The following SLC29A3 variants were observed in gnomAD, a reference collection of about 807,000 sequenced individuals.
SLC29A3 encodes the protein equilibrative nucleoside transporter 3.
A neutral mutation model predicts 25.4 loss-of-function variants in SLC29A3; 18 were observed. That is an observed-to-expected ratio of 0.71 (90% CI 0.49 to 1.05). SLC29A3 has a LOEUF of 1.05. Ranked by LOEUF, SLC29A3 falls within the 50% of genes least tolerant of loss-of-function variation. The pLI is 0.00. For synonymous variants in SLC29A3, 258 were observed against 267.1 expected (o/e 0.97, Z 0.33); for missense variants, 586 against 609.0 (o/e 0.96, Z 0.40).
At chr10:71,327,447 G>A (rs149650151) in intron 2 of SLC29A3, among the ~76,000 whole-genome samples, 177 of 152,306 alleles carry the variant, frequency 1.2e-3, no homozygotes, top group Middle Eastern at 6.8e-3. Context: ...TGCAACAGCC[G>A]CCATTGCCTG....
chr10:71,348,147 A>G (rs997900962), intron 3 of SLC29A3, among the ~76,000 whole-genome samples: 1 of 152,222 alleles, frequency 6.6e-6, no homozygotes, highest in African/African-American at 2.4e-5. Context: ...TTGCTTGTCA[A>G]TTTGTACATC....
downstream of SLC29A3, among the ~76,000 whole-genome samples, chr10:71,363,840 T>G (rs1337566604): frequency 7.1e-6 from 1 of 141,086 alleles, no homozygotes. Flanking sequence ...GATGAAGTCT[T>G]GCTCTGTCAC....
At chr10:71,341,276 A>G (rs1846401808) in intron 2 of SLC29A3, among the ~76,000 whole-genome samples, 1 of 152,152 alleles carries the variant, frequency 6.6e-6, no homozygotes, top group African/African-American at 2.4e-5. Context: ...CATGGGACCA[A>G]TGGCTGTGGA....
Position 71,362,345 on chromosome 10 carries a change from C to T in SLC29A3, c.1165C>T (p.Leu389Phe). 1 of 1,614,190 alleles carries T rather than the reference C, an allele frequency of 6.2e-7. No individual in the cohort carries two copies. The highest frequency in any genetic ancestry group is 8.5e-7 in the Non-Finnish European group (1 of 1,180,040). ...AGGGTTCGTGCTCCTCCGGACCTGC[C>T]TCATCCCCCTCTTCGTGCTCTGTAA... ...LPGFVLLRTC[L>F]IPLFVLCNYQ... is the part of the protein sequence containing the mutation. The change falls in exon 6 of 6, where the codon CTC becomes TTC. Residue 389 changes from leucine to phenylalanine, a missense_variant. Leu to Phe is a conservative substitution (Grantham distance 22, BLOSUM62 0). Coordinates refer to ENST00000373189, the MANE Select transcript of SLC29A3 (RefSeq NM_018344.6).
At chr10:71,349,404 C>T (rs1473850593) in intron 3 of SLC29A3, among the ~76,000 whole-genome samples, 1 of 152,166 alleles carries the variant, frequency 6.6e-6, no homozygotes, top group Non-Finnish European at 1.5e-5. Flanking sequence ...GCCCCAGACA[C>T]AGTCTCGGCA....
intron 2 of SLC29A3, among the ~76,000 whole-genome samples, chr10:71,335,097 A>C (rs1460943868): frequency 6.6e-6 from 1 of 151,712 alleles, no homozygotes; most frequent in Non-Finnish European, 1.5e-5. Flanking sequence ...TTTCACCTTT[A>C]GTGAGTGAAT....
At chr10:71,335,819 G>T (rs1435485764) in intron 2 of SLC29A3, among the ~76,000 whole-genome samples, 2 of 152,052 alleles carry the variant, frequency 1.3e-5, no homozygotes, top group Non-Finnish European at 2.9e-5. Context: ...ATGGGTAGAG[G>T]TCATGAAGCC....
At chr10:71,360,508 T>A (rs542337440) in intron 5 of SLC29A3, among the ~76,000 whole-genome samples, 1 of 152,338 alleles carries the variant, frequency 6.6e-6, no homozygotes, top group Admixed American at 6.5e-5. Context: ...TTAGTTCTTT[T>A]GAAGGAACTA....
Position 71,351,411 on chromosome 10 carries a change from G to A in SLC29A3, c.384-151G>A, listed in dbSNP as rs1189509729. ...CCAAGGCCACACAGCTAGGGAGCCG[G>A]GAAGGCAGGATTCGAGTGCAGGCCT... On this transcript the variant is annotated intron_variant, in intron 3 of 5. Transcript: ENST00000373189. 8 of 658,042 alleles carry A rather than the reference G, an allele frequency of 1.2e-5. No individual in the cohort carries two copies. In the African/African-American group the frequency reaches 1.3e-4, roughly 10 times the overall value. The allele number at this position is 658,042 out of a possible 1,614,324, so 40.8% of individuals were successfully genotyped here.
At chr10:71,344,519 G>A (rs141753057) in intron 3 of SLC29A3, among the ~76,000 whole-genome samples, 8 of 152,358 alleles carry the variant, frequency 5.3e-5, no homozygotes, top group African/African-American at 1.9e-4. Context: ...ACATCGCTGT[G>A]ACATTGTGGC....
intron 3 of SLC29A3, among the ~76,000 whole-genome samples, chr10:71,349,447 T>A (rs1846688776): frequency 6.6e-6 from 1 of 152,046 alleles, no homozygotes; most frequent in Admixed American, 6.5e-5. Flanking sequence ...CATGTAGCAG[T>A]CCCAGGGAAG....
At chr10:71,370,309 T>C (rs1005519642) in intron 3 of SLC29A3, among the ~76,000 whole-genome samples, 4 of 152,172 alleles carry the variant, frequency 2.6e-5, no homozygotes, top group African/African-American at 7.2e-5. Context: ...AGGATAACCA[T>C]GCCTTCTGTT....
In SLC29A3 at chr10:71,362,360, G is replaced by T. The variant is rs770560831; in HGVS notation, c.1180G>T (p.Val394Leu). 1 of 1,614,008 alleles carries T rather than the reference G, an allele frequency of 6.2e-7. No individual in the cohort carries two copies. Among genetic ancestry groups the T allele is most frequent in the Non-Finnish European group, 8.5e-7 (1 of 1,180,020 alleles). Reference sequence around the variant, plus strand: ...CCGGACCTGCCTCATCCCCCTCTTCGTGCTCTGTAACTACCAGCCCCGCGT... The same window carrying T: ...CCGGACCTGCCTCATCCCCCTCTTCTTGCTCTGTAACTACCAGCCCCGCGT... ...LLRTCLIPLF[V>L]LCNYQPRVHL... Residue 394 changes from valine to leucine, a missense_variant, in exon 6 of 6, where the codon GTG becomes TTG. Physicochemically the swap from Val to Leu is conservative, Grantham distance 32. Transcript: ENST00000373189.
In SLC29A3 at chr10:71,351,926, G is replaced by A. The variant is rs1483793986; in HGVS notation, c.610+138G>A. On this transcript the variant is annotated intron_variant, in intron 4 of 5. Coordinates refer to ENST00000373189, the MANE Select transcript of SLC29A3 (RefSeq NM_018344.6). ...GATTGTGTTTCAGTCATCTAGTGTT[G>A]TAGAACAACAACGGTCATTTCTACT... 6.1e-6 allele frequency: 5 copies of A among 820,772 alleles called. No individual in the cohort carries two copies. In the East Asian group the frequency reaches 1.3e-4, roughly 22 times the overall value. 50.8% of individuals were successfully genotyped at this position (820,772 alleles called of 1,614,324 possible).
At chr10:71,335,212 T>A (rs1056546680) in intron 2 of SLC29A3, among the ~76,000 whole-genome samples, 1 of 152,152 alleles carries the variant, frequency 6.6e-6, no homozygotes, top group African/African-American at 2.4e-5. Context: ...CCCCCCATAC[T>A]GTTTGGCGTT....
intron 2 of SLC29A3, among the ~76,000 whole-genome samples, chr10:71,340,985 GCA>G (rs1846389443): frequency 6.6e-6 from 1 of 152,194 alleles, no homozygotes; most frequent in Non-Finnish European, 1.5e-5. Context: ...CTTTGCAGCA[GCA>G]CACACGGAAC....
Position 71,362,107 on chromosome 10 carries a change from C to T in SLC29A3, c.927C>T (p.Gly309=), listed in dbSNP as rs760066749. The change falls in exon 6 of 6, where the codon GGC becomes GGT. Residue 309 remains glycine (G), a synonymous_variant. Transcript: ENST00000373189. ...RPILKKTASL[G]FCVTYVFFIT... ...TCCTGAAGAAGACGGCCAGCCTGGG[C>T]TTCTGTGTCACCTACGTCTTCTTCA... 2.5e-6 allele frequency: 4 copies of T among 1,614,040 alleles called. No individual in the cohort carries two copies. In the African/African-American group the frequency reaches 5.3e-5, roughly 22 times the overall value.
chr10:71,370,019 G>A (rs182738371), intron 3 of SLC29A3, among the ~76,000 whole-genome samples: 57 of 152,294 alleles, frequency 3.7e-4, no homozygotes, highest in African/African-American at 1.3e-3. Context: ...AACTTGTCCG[G>A]TGTGAGGGAC....
chr10:71,360,068 C>A (rs143020750), intron 5 of SLC29A3, among the ~76,000 whole-genome samples: 1 of 151,772 alleles, frequency 6.6e-6, no homozygotes, highest in African/African-American at 2.4e-5. Context: ...AGGGCTACTC[C>A]GTGCCTGAAG....
Sources: allele counts gnomAD v4.1 joint callset (sites outside exome capture counted in the v4.1 genomes callset), GRCh38; gene constraint gnomAD v4.1.1; transcripts MANE v1.5; gene names NCBI Gene and HGNC (gene_info 2026-07-23, HGNC 2026-07-21).